Variants in KCNIP4 observed in about 807,000 individuals in gnomAD.
The protein encoded by KCNIP4 is Kv channel-interacting protein 4.
KCNIP4 carries 12 observed loss-of-function variants against 34.0 expected under a neutral mutation model. The observed-to-expected ratio is 0.35, with a 90% CI of 0.23 to 0.57. The LOEUF is 0.57. KCNIP4 is among the 20% of genes least tolerant of loss of function. The probability of loss-of-function intolerance (pLI) is 0.83; values close to 1 mark genes in which losing one functional copy is unlikely to be tolerated. For missense variants in KCNIP4, 238 were observed against 311.7 expected (o/e 0.76, Z 1.78); for synonymous variants, 124 against 102.2 (o/e 1.21, Z -1.29).
At chr4:21,737,372 T>A (rs1716064867) in intron 1 of KCNIP4, among the ~76,000 whole-genome samples, 1 of 152,170 alleles carries the variant, frequency 6.6e-6, no homozygotes, top group African/African-American at 2.4e-5. Context: ...GGTTTTTTTT[T>A]AATGGCCCAA....
At chr4:20,981,209 T>G (rs1332133727) in intron 1 of KCNIP4, among the ~76,000 whole-genome samples, 10 of 152,184 alleles carry the variant, frequency 6.6e-5, no homozygotes, top group Non-Finnish European at 1.5e-4. Context: ...CTTAGATGTC[T>G]GACAGGGGCT....
At chr4:20,986,134 G>T (rs1736554488) in intron 1 of KCNIP4, among the ~76,000 whole-genome samples, 1 of 152,090 alleles carries the variant, frequency 6.6e-6, no homozygotes, top group African/African-American at 2.4e-5. Context: ...GGTCTCCTTG[G>T]ATGAAACGAC....
intron 3 of KCNIP4, among the ~76,000 whole-genome samples, chr4:20,846,041 A>G (rs1298529272): frequency 1.3e-5 from 2 of 152,244 alleles, no homozygotes; most frequent in African/African-American, 4.8e-5. Flanking sequence ...ACACGGCAAC[A>G]GAAAATGAAT....
At chr4:21,122,174 G>GT (rs71818519) in intron 1 of KCNIP4, among the ~76,000 whole-genome samples, 16,370 of 141,958 alleles carry the variant, frequency 0.12, 1,255 homozygotes, top group African/African-American at 0.22. Flanking sequence ...TGCAGATCAA[G>GT]TTTTTTTTTT....
intron 1 of KCNIP4, chr4:21,848,761 C>G (rs1299384066): frequency 6.6e-6 from 1 of 152,020 alleles, no homozygotes; most frequent in East Asian, 1.9e-4. Flanking sequence ...TGAACTCAAT[C>G]CTTAAATTAT....
intron 1 of KCNIP4, chr4:21,656,951 T>G (rs1367235853): frequency 6.6e-6 from 1 of 152,190 alleles, no homozygotes; most frequent in Non-Finnish European, 1.5e-5. Context: ...ACACTTAGGA[T>G]ACTCCATCCA....
At chr4:21,853,571 T>A (rs1005769281) in intron 1 of KCNIP4, among the ~76,000 whole-genome samples, 1 of 152,190 alleles carries the variant, frequency 6.6e-6, no homozygotes, top group Admixed American at 6.5e-5. Context: ...AATCACTTCC[T>A]AAAACCTCAC....
intron 1 of KCNIP4, among the ~76,000 whole-genome samples, chr4:21,458,935 C>T (rs952685037): frequency 1.3e-5 from 2 of 151,958 alleles, no homozygotes; most frequent in African/African-American, 4.8e-5. Context: ...TGGGAAAGAC[C>T]CATTCTTCAC....
chr4:21,353,066 G>C (rs1352520573), intron 1 of KCNIP4, among the ~76,000 whole-genome samples: 2 of 152,172 alleles, frequency 1.3e-5, no homozygotes, highest in Non-Finnish European at 1.5e-5. Context: ...CTGACTGTTA[G>C]AAGGAAAACT....
intron 1 of KCNIP4, among the ~76,000 whole-genome samples, chr4:21,326,153 T>A (rs920061843): frequency 1.2e-4 from 18 of 151,844 alleles, no homozygotes; most frequent in Admixed American, 1.1e-3. Context: ...GTTGATTTTC[T>A]GTCTAGATGA....
chr4:20,952,016 C>T (rs1732838152), intron 1 of KCNIP4, among the ~76,000 whole-genome samples: 1 of 152,052 alleles, frequency 6.6e-6, no homozygotes. Context: ...GTGCCTAGCA[C>T]AGAGTGGGTA....
At chr4:21,190,545 A>G (rs960790123) in intron 1 of KCNIP4, among the ~76,000 whole-genome samples, 2 of 152,068 alleles carry the variant, frequency 1.3e-5, no homozygotes, top group Admixed American at 1.3e-4. Context: ...ACTCCTATGT[A>G]CCAGACATGG....
At chr4:21,185,289 C>A (rs1755130815) in intron 1 of KCNIP4, among the ~76,000 whole-genome samples, 1 of 147,336 alleles carries the variant, frequency 6.8e-6, no homozygotes, top group Non-Finnish European at 1.5e-5. Context: ...CAGAGAAAGC[C>A]TTCTCATTTT....
At chr4:21,882,206 T>C (rs762711595) in intron 1 of KCNIP4, among the ~76,000 whole-genome samples, 5 of 152,166 alleles carry the variant, frequency 3.3e-5, no homozygotes, top group Admixed American at 6.6e-5. Flanking sequence ...GAAAGCACTA[T>C]GCTATGACAT....
intron 1 of KCNIP4, among the ~76,000 whole-genome samples, chr4:21,432,665 C>T (rs929150226): frequency 2.0e-5 from 3 of 152,132 alleles, no homozygotes; most frequent in South Asian, 2.1e-4. Flanking sequence ...AGGTGAAAAA[C>T]CAGACATAAA....
chr4:21,107,865 G>C (rs1748728770), intron 1 of KCNIP4, among the ~76,000 whole-genome samples: 1 of 151,276 alleles, frequency 6.6e-6, no homozygotes, highest in South Asian at 2.1e-4. Flanking sequence ...ATGAAGCTTA[G>C]TTTGGCTGGA....
chr4:21,252,521 A>C (rs1577967152), intron 1 of KCNIP4, among the ~76,000 whole-genome samples: 1 of 152,088 alleles, frequency 6.6e-6, no homozygotes, highest in East Asian at 1.9e-4. Flanking sequence ...TGTGATGAGA[A>C]AGTGAACCAT....
At chr4:21,849,878 T>C (rs1346795347) in intron 1 of KCNIP4, 1 of 152,028 alleles carries the variant, frequency 6.6e-6, no homozygotes, top group Admixed American at 6.6e-5. Context: ...TGTGTTCCTA[T>C]TCACTACACA....
chr4:20,796,969 C>T (rs1232931766), intron 3 of KCNIP4, among the ~76,000 whole-genome samples: 1 of 152,210 alleles, frequency 6.6e-6, no homozygotes. Flanking sequence ...ACCTCTATTG[C>T]TCTAATCTAG....
Sources: gnomAD v4.1 joint callset for allele counts (sites outside exome capture counted in the v4.1 genomes callset) on GRCh38, gnomAD v4.1.1 for gene constraint, MANE v1.5 for transcripts, NCBI Gene and HGNC (gene_info 2026-07-23, HGNC 2026-07-21) for gene names.